CLSTN2: variants seen among roughly 807,000 people sequenced by gnomAD.
CLSTN2 encodes the protein calsyntenin-2.
Under a neutral mutation model 101.2 loss-of-function variants are expected in CLSTN2, and 48 were observed. The ratio of observed to expected loss-of-function variants is 0.47; its 90% CI spans 0.38 to 0.60. The LOEUF (loss-of-function observed/expected upper bound fraction) is 0.60. CLSTN2 is among the 20% of genes least tolerant of loss of function. The pLI, the probability that CLSTN2 is intolerant of heterozygous loss-of-function variation, is 0.00. For synonymous variants in CLSTN2, 481 were observed against 463.6 expected (o/e 1.04, Z -0.48); for missense variants, 1,160 against 1,238.2 (o/e 0.94, Z 0.95).
intron 2 of CLSTN2, among the ~76,000 whole-genome samples, chr3:140,266,834 G>A (rs985277328): frequency 2.6e-5 from 4 of 152,182 alleles, no homozygotes; most frequent in African/African-American, 7.2e-5. Context: ...GTGTTAATCA[G>A]CAATTTGTCC....
chr3:140,388,171 G>A (rs932087739), intron 2 of CLSTN2, among the ~76,000 whole-genome samples: 2 of 152,254 alleles, frequency 1.3e-5, no homozygotes, highest in African/African-American at 2.4e-5. Flanking sequence ...GTAATGCTGT[G>A]AAAGTGCGGC....
chr3:140,049,372 C>G (rs2007943556), intron 1 of CLSTN2, among the ~76,000 whole-genome samples: 1 of 152,218 alleles, frequency 6.6e-6, no homozygotes, highest in Admixed American at 6.5e-5. Flanking sequence ...CAGTATTAGT[C>G]TCCCTTCTTA....
Position 140,393,454 on chromosome 3 carries a change from T to C in CLSTN2, c.233-10175T>C, listed in dbSNP as rs567562988. Among the ~76,000 whole-genome samples the C allele has an allele frequency of 1.1e-4, 17 of 152,354 alleles. No homozygotes were observed. In the South Asian group the frequency reaches 2.7e-3, roughly 24 times the overall value. On this transcript the variant is annotated intron_variant, in intron 2 of 16. Transcript: ENST00000458420. ...TGGGCCTATGTGTAGCTTCTGTTTCTGAAACTTAACTTTAACCCGCTGAAT... is the reference window on the plus strand; with the variant it reads ...TGGGCCTATGTGTAGCTTCTGTTTCCGAAACTTAACTTTAACCCGCTGAAT...
chr3:140,128,723 G>A (rs1317292), intron 1 of CLSTN2, among the ~76,000 whole-genome samples: 20,442 of 152,104 alleles, frequency 0.13, 1,641 homozygotes, highest in East Asian at 0.41. Flanking sequence ...TCTTCCTTCC[G>A]TGGCTTCAGT....
chr3:140,224,348 G>A (rs763239641), intron 2 of CLSTN2, among the ~76,000 whole-genome samples: 2 of 152,198 alleles, frequency 1.3e-5, no homozygotes, highest in Non-Finnish European at 2.9e-5. Context: ...AAAGTTTACA[G>A]TAATTTCTGG....
chr3:140,410,578 C>G (rs2088352688), intron 4 of CLSTN2, among the ~76,000 whole-genome samples: 1 of 152,002 alleles, frequency 6.6e-6, no homozygotes, highest in South Asian at 2.1e-4. Flanking sequence ...CAAGCTGAAA[C>G]AAAAGGATGC....
At chr3:140,244,210 C>T (rs567331045) in intron 2 of CLSTN2, among the ~76,000 whole-genome samples, 26 of 152,084 alleles carry the variant, frequency 1.7e-4, no homozygotes, top group Non-Finnish European at 3.2e-4. Context: ...TGTGGCCCTC[C>T]GGGACTACAC....
chr3:140,367,976 G>A (rs1223224238), intron 2 of CLSTN2, among the ~76,000 whole-genome samples: 1 of 152,206 alleles, frequency 6.6e-6, no homozygotes, highest in African/African-American at 2.4e-5. Flanking sequence ...ACATCACTGG[G>A]AAGAAGGAGG....
At chr3:140,487,283 G>A (rs1323189773) in intron 8 of CLSTN2, among the ~76,000 whole-genome samples, 1 of 152,226 alleles carries the variant, frequency 6.6e-6, no homozygotes, top group Non-Finnish European at 1.5e-5. Flanking sequence ...TATGCACCAA[G>A]AGTCTCCCAT....
At chr3:140,529,889 CT>C (rs1316676483) in intron 8 of CLSTN2, among the ~76,000 whole-genome samples, 1 of 152,112 alleles carries the variant, frequency 6.6e-6, no homozygotes, top group African/African-American at 2.4e-5. Context: ...AAATGTGTCC[CT>C]TTTATAGTAA....
In CLSTN2 at chr3:140,362,281, C is replaced by G. The variant is rs6777920; in HGVS notation, c.233-41348C>G. Among the ~76,000 whole-genome samples the G allele has an allele frequency of 4.6e-5, 7 of 151,932 alleles. No homozygotes were observed. In the East Asian group the frequency reaches 1.4e-3, roughly 29 times the overall value. On this transcript the variant is annotated intron_variant, in intron 2 of 16. Transcript: ENST00000458420. The stretch of plus-strand genomic sequence containing the variant: ...ACATGCAAAATGGTGAATTTAGACC[C>G]TTACCTCACAAAAGACACAAAGACT...
chr3:140,100,774 A>G (rs1486307614), intron 1 of CLSTN2, among the ~76,000 whole-genome samples: 1 of 152,238 alleles, frequency 6.6e-6, no homozygotes, highest in Non-Finnish European at 1.5e-5. Flanking sequence ...GAGACGCATC[A>G]TCAGCCAGAA....
chr3:140,033,172 C>T (rs1480908808), intron 1 of CLSTN2, among the ~76,000 whole-genome samples: 1 of 152,154 alleles, frequency 6.6e-6, no homozygotes, highest in Non-Finnish European at 1.5e-5. Context: ...CTATAGTGTG[C>T]TCTGAGACAT....
intron 2 of CLSTN2, among the ~76,000 whole-genome samples, chr3:140,184,120 G>A (rs2010451335): frequency 1.3e-5 from 2 of 152,122 alleles, no homozygotes; most frequent in Non-Finnish European, 2.9e-5. Context: ...TGTTCTGTAT[G>A]GTGACTTTGG....
At chr3:140,544,498 C>G (rs1935547281) in intron 9 of CLSTN2, among the ~76,000 whole-genome samples, 1 of 152,186 alleles carries the variant, frequency 6.6e-6, no homozygotes, top group Non-Finnish European at 1.5e-5. Context: ...AAACTCCCCA[C>G]ACCAATTAAG....
intron 2 of CLSTN2, among the ~76,000 whole-genome samples, chr3:140,218,731 A>C (rs1171006856): frequency 2.0e-5 from 3 of 152,218 alleles, no homozygotes; most frequent in Non-Finnish European, 2.9e-5. Context: ...AGCTTTATAA[A>C]ATAACTAAAG....
At chr3:139,961,477 G>A (rs1935509857) in intron 1 of CLSTN2, among the ~76,000 whole-genome samples, 1 of 152,110 alleles carries the variant, frequency 6.6e-6, no homozygotes, top group Non-Finnish European at 1.5e-5. Context: ...GTAGATAGAA[G>A]CAGAGTTTGA....
intron 2 of CLSTN2, among the ~76,000 whole-genome samples, chr3:140,213,696 G>A (rs570213988): frequency 1.3e-5 from 2 of 152,184 alleles, no homozygotes; most frequent in African/African-American, 2.4e-5. Context: ...AGGTCTGACC[G>A]TGTGATGGGG....
At chr3:140,492,059 C>T (rs948767390) in intron 8 of CLSTN2, among the ~76,000 whole-genome samples, 1 of 151,968 alleles carries the variant, frequency 6.6e-6, no homozygotes, top group East Asian at 1.9e-4. Flanking sequence ...AATAAACACA[C>T]GTAAAGGTGC....
Sources: allele counts gnomAD v4.1 joint callset (sites outside exome capture counted in the v4.1 genomes callset), GRCh38; gene constraint gnomAD v4.1.1; transcripts MANE v1.5; gene names NCBI Gene and HGNC (gene_info 2026-07-23, HGNC 2026-07-21).